The following PCDHA2 variants were observed in gnomAD, a reference collection of about 807,000 sequenced individuals.
PCDHA2 encodes the protein protocadherin alpha 2.
Under a neutral mutation model 66.0 loss-of-function variants are expected in PCDHA2, and 58 were observed. That is an observed-to-expected ratio of 0.88 (90% CI 0.71 to 1.09). The LOEUF (loss-of-function observed/expected upper bound fraction) is 1.09. PCDHA2 is among the 50% of genes least tolerant of loss of function. The pLI is 0.00. For missense variants in PCDHA2, 1,267 were observed against 1,242.3 expected (o/e 1.02, Z -0.30); for synonymous variants, 634 against 554.0 (o/e 1.14, Z -2.03).
intron 1 of PCDHA2, among the ~76,000 whole-genome samples, chr5:140,970,929 G>A (rs537614286): frequency 1.4e-4 from 22 of 152,192 alleles, no homozygotes; most frequent in Non-Finnish European, 2.9e-4. Flanking sequence ...AGTGCCTGGT[G>A]TTAGTCAATG....
intron 1 of PCDHA2, among the ~76,000 whole-genome samples, chr5:140,820,863 C>T (rs1201263924): frequency 1.3e-5 from 2 of 151,812 alleles, no homozygotes; most frequent in South Asian, 2.1e-4. Context: ...TATCTAGATG[C>T]TTCTAATTTG....
rs1215041869 is a variant in PCDHA2, at chr5:141,010,411, G to T, written c.*474G>T. ...TGAGACGAGCCAGCTTAGACTAATT[G>T]GTACAAGGAAGGCAAGAAAACAAAG... On this transcript the variant is annotated 3_prime_UTR_variant, in exon 4 of 4. Transcript: ENST00000526136. 4.1e-6 allele frequency: 5 copies of T among 1,224,236 alleles called. No individual in the cohort carries two copies. The highest frequency in any genetic ancestry group is 4.4e-6 in the Non-Finnish European group (4 of 905,798). The allele number at this position is 1,224,236 out of a possible 1,614,324, so 75.8% of individuals were successfully genotyped here. A position where few individuals can be genotyped will look rare whatever the true frequency, so the allele number is the denominator to read the frequency against.
chr5:140,908,998 C>G (rs2074255436), intron 1 of PCDHA2, among the ~76,000 whole-genome samples: 1 of 152,156 alleles, frequency 6.6e-6, no homozygotes, highest in South Asian at 2.1e-4. Flanking sequence ...AGAAATTTTA[C>G]TGAGGTAGAA....
chr5:141,005,932 G>A (rs1588114868), intron 3 of PCDHA2, among the ~76,000 whole-genome samples: 2 of 152,074 alleles, frequency 1.3e-5, no homozygotes, highest in East Asian at 3.9e-4. Context: ...GGTTGACAGA[G>A]TGAGAACCTA....
At chr5:140,993,984 CACTT>C (rs2097589955) in intron 3 of PCDHA2, among the ~76,000 whole-genome samples, 1 of 152,114 alleles carries the variant, frequency 6.6e-6, no homozygotes, top group Non-Finnish European at 1.5e-5. Flanking sequence ...ATTTATTAAG[CACTT>C]AGGTCAGGCC....
intron 1 of PCDHA2, chr5:140,809,625 C>T (rs782420889): frequency 4.6e-6 from 7 of 1,508,084 alleles, no homozygotes; most frequent in Non-Finnish European, 6.2e-6. Context: ...TCTCTATCAA[C>T]TTCTTCGTAA....
chr5:140,972,398 A>G (rs2096535021), intron 1 of PCDHA2, among the ~76,000 whole-genome samples: 1 of 151,358 alleles, frequency 6.6e-6, no homozygotes, highest in Non-Finnish European at 1.5e-5. Flanking sequence ...TTGCTTCACT[A>G]TTGGCAAACC....
intron 1 of PCDHA2, chr5:140,804,881 C>G: frequency 5.1e-5 from 30 of 583,746 alleles, no homozygotes; most frequent in Admixed American, 3.9e-5. Context: ...TTTCTTGACT[C>G]CTCTCCTTCC....
chr5:140,808,409 G>A (rs1554124521), intron 1 of PCDHA2: 1 of 1,614,154 alleles, frequency 6.2e-7, no homozygotes. Context: ...CTACTCGTTG[G>A]TGCTGGACAG....
chr5:140,856,871 G>T, intron 1 of PCDHA2: 1 of 1,595,048 alleles, frequency 6.3e-7, no homozygotes, highest in Non-Finnish European at 8.6e-7. Flanking sequence ...AATAAACAAG[G>T]AAATGATGTA....
intron 1 of PCDHA2, among the ~76,000 whole-genome samples, chr5:140,959,857 T>G (rs1287315295): frequency 1.3e-5 from 2 of 152,204 alleles, no homozygotes; most frequent in African/African-American, 2.4e-5. Flanking sequence ...AAAGGAATTA[T>G]GTAGCAAAAT....
chr5:140,884,484 T>C, intron 1 of PCDHA2: 2 of 1,613,922 alleles, frequency 1.2e-6, no homozygotes, highest in Non-Finnish European at 1.7e-6. Context: ...AAGCCCACTC[T>C]AGTGTGCTCC....
intron 1 of PCDHA2, chr5:140,851,319 T>C (rs1340345627): frequency 7.1e-6 from 7 of 992,898 alleles, no homozygotes; most frequent in Non-Finnish European, 8.6e-6. Flanking sequence ...GTTACCTTGT[T>C]AAGTTTGTAG....
At chr5:140,850,791 A>C in intron 1 of PCDHA2, 1 of 1,598,378 alleles carries the variant, frequency 6.3e-7, no homozygotes, top group Non-Finnish European at 8.6e-7. Flanking sequence ...GGGTAAGCAG[A>C]AGACCGACCT....
intron 1 of PCDHA2, chr5:140,801,913 C>T (rs781803444): frequency 3.7e-6 from 6 of 1,614,016 alleles, no homozygotes; most frequent in Non-Finnish European, 4.2e-6. Flanking sequence ...AACGACAACG[C>T]CCCAGCGTTT....
At chr5:140,967,051 G>T in intron 1 of PCDHA2, 12 of 1,612,562 alleles carry the variant, frequency 7.4e-6, no homozygotes, top group Non-Finnish European at 9.3e-6. Context: ...TGGACCTGAC[G>T]AGTGGAGCGC....
intron 1 of PCDHA2, chr5:140,851,454 T>C: frequency 1.1e-6 from 1 of 899,244 alleles, no homozygotes; most frequent in Non-Finnish European, 1.4e-6. Flanking sequence ...ACTTTAGGAA[T>C]CAAATTATGT....
At chr5:140,868,818 T>TG (rs1170928689) in intron 1 of PCDHA2, 2 of 385,940 alleles carry the variant, frequency 5.2e-6, no homozygotes, top group Non-Finnish European at 9.1e-6. Flanking sequence ...TGGAAATATT[T>TG]GGGGGAAGAA....
intron 1 of PCDHA2, among the ~76,000 whole-genome samples, chr5:140,846,830 A>G (rs965797545): frequency 6.7e-6 from 1 of 149,758 alleles, no homozygotes; most frequent in Admixed American, 6.7e-5. Context: ...AATAAAGAAT[A>G]TGAGTCACAC....
Sources: allele counts gnomAD v4.1 joint callset (sites outside exome capture counted in the v4.1 genomes callset), GRCh38; gene constraint gnomAD v4.1.1; transcripts MANE v1.5; gene names NCBI Gene and HGNC (gene_info 2026-07-23, HGNC 2026-07-21).